The following COXFA4L3 variants were observed in gnomAD, a reference collection of about 807,000 sequenced individuals.
The protein encoded by COXFA4L3 is MIR147B host.
At chr15:45,433,255 A>G in the COXFA4L3 span, 2 of 443,684 alleles carry the variant, frequency 4.5e-6, no homozygotes, top group Non-Finnish European at 8.4e-6. Flanking sequence ...TTTGTTTATG[A>G]TCTATGAATG....
the COXFA4L3 span, chr15:45,430,830 GAAGT>G: frequency 4.8e-3 from 7,795 of 1,610,238 alleles, 25 homozygotes; most frequent in Non-Finnish European, 5.8e-3. Context: ...GAAAAGGAAG[GAAGT>G]AAGTTTTAAA....
At chr15:45,431,293 G>C in the COXFA4L3 span, 239 of 422,140 alleles carry the variant, frequency 5.7e-4, no homozygotes, top group African/African-American at 3.4e-3. Flanking sequence ...AAAAAAAAAA[G>C]AAAAAATTTA....
At chr15:45,433,032 T>C in the COXFA4L3 span, 1 of 1,608,248 alleles carries the variant, frequency 6.2e-7, no homozygotes, top group Non-Finnish European at 8.5e-7. Context: ...CCTCGCCTCT[T>C]TCTTCTGAAG....
chr15:45,430,919 A>G, the COXFA4L3 span: 1 of 1,569,066 alleles, frequency 6.4e-7, no homozygotes, highest in South Asian at 1.1e-5. Context: ...CAAAGTATAA[A>G]ATAAATACAG....
At chr15:45,431,583 A>T in the COXFA4L3 span, among the ~76,000 whole-genome samples, 8 of 152,304 alleles carry the variant, frequency 5.3e-5, no homozygotes, top group African/African-American at 1.9e-4. Context: ...GAAGAAAGTA[A>T]AAAACAAAAA....
the COXFA4L3 span, chr15:45,430,865 A>G: frequency 2.9e-5 from 47 of 1,596,030 alleles, no homozygotes; most frequent in Non-Finnish European, 4.0e-5. Flanking sequence ...AATCTTGACT[A>G]AAGTTTTCAT....
At chr15:45,433,291 G>T in the COXFA4L3 span, 1 of 349,488 alleles carries the variant, frequency 2.9e-6, no homozygotes, top group Non-Finnish European at 5.4e-6. Flanking sequence ...ACAAAGCTTT[G>T]TAAATTAGAT....
chr15:45,433,150 C>A, the COXFA4L3 span: 1 of 950,606 alleles, frequency 1.1e-6, no homozygotes, highest in African/African-American at 1.6e-5. Flanking sequence ...ATTTTTTGGG[C>A]TCTGGATAAG....
At chr15:45,432,065 A>G in the COXFA4L3 span, 5 of 1,612,458 alleles carry the variant, frequency 3.1e-6, no homozygotes, top group Non-Finnish European at 3.4e-6. Flanking sequence ...GCTTTCTTTA[A>G]TTTTAGCCTT....
chr15:45,432,371 AAT>A, the COXFA4L3 span, among the ~76,000 whole-genome samples: 490 of 152,372 alleles, frequency 3.2e-3, 4 homozygotes, highest in African/African-American at 0.011. Context: ...CAAACTTAAA[AAT>A]CTGGATACCG....
At chr15:45,431,533 A>T in the COXFA4L3 span, among the ~76,000 whole-genome samples, 1 of 152,152 alleles carries the variant, frequency 6.6e-6, no homozygotes, top group Non-Finnish European at 1.5e-5. Context: ...GAATTGATAG[A>T]TTCAGTTGTC....
At chr15:45,433,237 T>C in the COXFA4L3 span, 3 of 494,206 alleles carry the variant, frequency 6.1e-6, no homozygotes, top group African/African-American at 5.9e-5. Context: ...ATATTGCATA[T>C]TGAAATTTTT....
At chr15:45,432,361 C>T in the COXFA4L3 span, among the ~76,000 whole-genome samples, 1 of 152,144 alleles carries the variant, frequency 6.6e-6, no homozygotes, top group African/African-American at 2.4e-5. Context: ...TAATACCTGG[C>T]AAACTTAAAA....
the COXFA4L3 span, chr15:45,431,976 G>A: frequency 9.9e-7 from 1 of 1,006,744 alleles, no homozygotes; most frequent in Non-Finnish European, 1.5e-6. Flanking sequence ...GCCTTAGTAT[G>A]AGACTGGTTT....
the COXFA4L3 span, chr15:45,430,822 A>T: frequency 1.2e-6 from 2 of 1,611,306 alleles, no homozygotes; most frequent in Non-Finnish European, 1.7e-6. Context: ...CTCCTGATGA[A>T]AAGGAAGGAA....
chr15:45,430,932 G>A, the COXFA4L3 span: 2 of 1,562,968 alleles, frequency 1.3e-6, no homozygotes, highest in African/African-American at 2.7e-5. Context: ...AAATACAGTT[G>A]TTTTGCTGTG....
the COXFA4L3 span, chr15:45,430,978 C>T: frequency 6.2e-7 from 1 of 1,608,186 alleles, no homozygotes. Flanking sequence ...CCAAATGTGT[C>T]CCCTCCACCT....
At chr15:45,431,962 A>C in the COXFA4L3 span, 1 of 846,722 alleles carries the variant, frequency 1.2e-6, no homozygotes. Flanking sequence ...ATTAGCAGAC[A>C]CATGCCTTAG....
chr15:45,431,129 G>A, the COXFA4L3 span: 1 of 1,540,530 alleles, frequency 6.5e-7, no homozygotes, highest in South Asian at 1.2e-5. Context: ...GGCAGTGTTT[G>A]GATGACTTTT....
Sources: allele counts gnomAD v4.1 joint callset (sites outside exome capture counted in the v4.1 genomes callset), GRCh38; gene constraint gnomAD v4.1.1; transcripts MANE v1.5; gene names NCBI Gene and HGNC (gene_info 2026-07-23, HGNC 2026-07-21).